The following UNC80 variants were observed in gnomAD, a reference collection of about 807,000 sequenced individuals.
The protein encoded by UNC80 is unc-80 subunit of NALCN channel complex, also known as protein unc-80 homolog.
UNC80 carries 164 observed loss-of-function variants against 384.6 expected under a neutral mutation model. That is an observed-to-expected ratio of 0.43 (90% CI 0.38 to 0.49). The LOEUF (loss-of-function observed/expected upper bound fraction) is 0.49. Ranked by LOEUF, UNC80 falls within the 20% of genes least tolerant of loss-of-function variation. The pLI is 0.00. For synonymous variants in UNC80, 1,486 were observed against 1,527.8 expected (o/e 0.97, Z 0.64); for missense variants, 3,330 against 4,143.0 (o/e 0.80, Z 5.39).
chr2:209,818,025 C>G, intron 11 of UNC80, 73 bp downstream of exon 11: 7 of 1,496,400 alleles, frequency 4.7e-6, no homozygotes, highest in Non-Finnish European at 5.4e-6. Context: ...CACCATGTTA[C>G]TTTCCCATTG....
chr2:209,955,706 T>TAC (rs1332887363), intron 48 of UNC80, among the ~76,000 whole-genome samples: 10 of 75,260 alleles, frequency 1.3e-4, no homozygotes, highest in Non-Finnish European at 2.0e-4. Flanking sequence ...TATATATATA[T>TAC]ATATATATAT....
intron 19 of UNC80, among the ~76,000 whole-genome samples, chr2:209,840,302 G>A (rs2081641087): frequency 6.6e-6 from 1 of 152,176 alleles, no homozygotes; most frequent in Non-Finnish European, 1.5e-5. Context: ...ATGTGAAGCT[G>A]GATAGATGAT....
chr2:209,880,826 G>T, intron 24 of UNC80, 135 bp from the exon 25 acceptor site: 1 of 786,126 alleles, frequency 1.3e-6, no homozygotes, highest in Non-Finnish European at 2.0e-6. Context: ...ATATGTAATT[G>T]GATGTTGGAC....
chr2:209,895,041 TA>T (rs200911334), intron 27 of UNC80, among the ~76,000 whole-genome samples: 2,380 of 152,302 alleles, frequency 0.016, 25 homozygotes, highest in Middle Eastern at 0.024. Context: ...TACAATGTGT[TA>T]AACACCTGAG....
At chr2:209,869,811 A>T (rs2124878207) in intron 22 of UNC80, among the ~76,000 whole-genome samples, 1 of 152,284 alleles carries the variant, frequency 6.6e-6, no homozygotes, top group South Asian at 2.1e-4. Context: ...TTGCATTTCC[A>T]AACTTGGATT....
chr2:209,927,927 C>A (rs1169945619), intron 36 of UNC80, among the ~76,000 whole-genome samples: 1 of 152,018 alleles, frequency 6.6e-6, no homozygotes, highest in East Asian at 1.9e-4. Flanking sequence ...TGATAACATT[C>A]TGTGAATGCT....
intron 35 of UNC80, 64 bp downstream of exon 35, chr2:209,922,447 A>T: frequency 2.0e-6 from 3 of 1,490,744 alleles, no homozygotes; most frequent in Non-Finnish European, 2.7e-6. Flanking sequence ...TTTCCAGTTA[A>T]TATCATGATC....
intron 40 of UNC80, among the ~76,000 whole-genome samples, 155 bp downstream of exon 40, chr2:209,935,963 T>C (rs1305922442): frequency 6.6e-6 from 1 of 152,232 alleles, no homozygotes; most frequent in East Asian, 1.9e-4. Flanking sequence ...TATTTCCTTA[T>C]GCTATTTCCT....
intron 33 of UNC80, among the ~76,000 whole-genome samples, chr2:209,920,036 G>A (rs903130576): frequency 3.9e-5 from 6 of 152,144 alleles, no homozygotes; most frequent in African/African-American, 1.4e-4. Flanking sequence ...GGGCATGGTG[G>A]CAGGCACCTG....
In UNC80 at chr2:209,799,782, G is replaced by T. The variant is rs143242917; in HGVS notation, c.938+5923G>T. ...GTATTGAGAATTTTTAACATGAAGGGATGTTGGGTTTTATCAAAGGTCTTT... is the reference window on the plus strand; with the variant it reads ...GTATTGAGAATTTTTAACATGAAGGTATGTTGGGTTTTATCAAAGGTCTTT... On this transcript the variant is annotated intron_variant, in intron 7 of 64. Transcript: ENST00000673920. Among the ~76,000 whole-genome samples the T allele has an allele frequency of 9.7e-3, 1,478 of 152,284 alleles. 24 individuals are homozygous for T. Among genetic ancestry groups the T allele is most frequent in the African/African-American group, 0.032 (1,340 of 41,558 alleles).
chr2:209,908,633 A>T (rs2088556295), intron 29 of UNC80, among the ~76,000 whole-genome samples: 1 of 152,246 alleles, frequency 6.6e-6, no homozygotes. Flanking sequence ...GCTCAAAAAA[A>T]TAAAGGACAC....
At position 209,996,788 on chromosome 2, in the gene UNC80, T is replaced by C. The variant is rs374274475; in HGVS notation, c.*1193T>C. Reference sequence around the variant, plus strand: ...GGGCTGTGCATCACGTGGTTCACAATTGAATTTCAAAATTTTAACAGTTTA... The same window carrying C: ...GGGCTGTGCATCACGTGGTTCACAACTGAATTTCAAAATTTTAACAGTTTA... On this transcript the variant is annotated 3_prime_UTR_variant, in exon 65 of 65. Transcript: ENST00000673920. 13 of 152,312 alleles carry C rather than the reference T, an allele frequency of 8.5e-5. No individual in the cohort carries two copies. The highest frequency in any genetic ancestry group is 2.4e-4 in the African/African-American group (10 of 41,580). 9.4% of individuals were successfully genotyped at this position (152,312 alleles called of 1,614,324 possible).
rs2076594751 is a variant in UNC80, at chr2:209,771,925, G to T, written c.-148G>T. ...CGCGCGGGGAGGGGTGGGGGGAGGG[G>T]AGAGGCACGGGGGATCAGGGCGGAG... On this transcript the variant is annotated 5_prime_UTR_variant, in exon 1 of 65. An upstream open reading frame in the 5' UTR gains an earlier in-frame stop. Coordinates refer to ENST00000673920, the MANE Select transcript of UNC80 (RefSeq NM_001371986.1). 2 of 644,904 alleles carry T rather than the reference G, an allele frequency of 3.1e-6. No homozygotes were observed. The highest frequency in any genetic ancestry group is 6.4e-5 in the East Asian group (2 of 31,338). 39.9% of individuals were successfully genotyped at this position (644,904 alleles called of 1,614,324 possible).
chr2:209,816,416 A>T (rs978467053), intron 9 of UNC80, among the ~76,000 whole-genome samples: 1 of 152,208 alleles, frequency 6.6e-6, no homozygotes, highest in Non-Finnish European at 1.5e-5. Context: ...GCACATTTAA[A>T]GTTGGCTAAC....
chr2:209,927,228 G>A (rs943166776), intron 36 of UNC80, among the ~76,000 whole-genome samples: 1 of 152,154 alleles, frequency 6.6e-6, no homozygotes, highest in Non-Finnish European at 1.5e-5. Flanking sequence ...CAGGAGCATT[G>A]TTCGTGACCA....
chr2:209,879,122 C>T (rs2085049918), intron 24 of UNC80, among the ~76,000 whole-genome samples: 1 of 151,696 alleles, frequency 6.6e-6, no homozygotes. Flanking sequence ...TAGCCATTGA[C>T]AAAACACCAA....
At position 209,807,382 on chromosome 2, in the gene UNC80, T is replaced by G. The variant is rs1245204837; in HGVS notation, c.939-6198T>G. 3.3e-5 allele frequency among the ~76,000 whole-genome samples: 3 copies of G among 91,940 alleles called. No individual in the cohort carries two copies. The East Asian group carries it at 1.0e-3, about 31-fold the overall frequency. 60.3% of individuals were successfully genotyped at this position (91,940 alleles called of 152,430 possible). On this transcript the variant is annotated intron_variant, in intron 7 of 64. Coordinates refer to ENST00000673920, the MANE Select transcript of UNC80 (RefSeq NM_001371986.1). ...TCATGTCATTTTTTTTTTTTTTTTTTGAGACGGAGTCTTGCTGTGTCGCCC... is the reference window on the plus strand; with the variant it reads ...TCATGTCATTTTTTTTTTTTTTTTTGGAGACGGAGTCTTGCTGTGTCGCCC...
Position 209,976,039 on chromosome 2 carries a change from C to A in UNC80, c.8588-80C>A. ...GAAATTTAGAAAATTTCTAAAGGTGCATAAAGGGCTCTGGATGTAGGTTGG... is the reference window on the plus strand; with the variant it reads ...GAAATTTAGAAAATTTCTAAAGGTGAATAAAGGGCTCTGGATGTAGGTTGG... On this transcript the variant is annotated intron_variant, in intron 56 of 64. Transcript: ENST00000673920. The surrounding 1 kb of genome is among the most constrained non-coding windows in gnomAD (Gnocchi z 4.3). 1 of 1,405,090 alleles carries A rather than the reference C, an allele frequency of 7.1e-7. No individual in the cohort carries two copies. The highest frequency in any genetic ancestry group is 1.5e-5 in the South Asian group (1 of 68,000). The allele number at this position is 1,405,090 out of a possible 1,614,324, so 87.0% of individuals were successfully genotyped here. A position where few individuals can be genotyped will look rare whatever the true frequency, so the allele number is the denominator to read the frequency against.
At chr2:209,849,675 A>T (rs1218991730) in intron 22 of UNC80, 52 bp downstream of exon 22, 2 of 1,518,364 alleles carry the variant, frequency 1.3e-6, no homozygotes, top group Non-Finnish European at 8.9e-7. Context: ...AAGTAGCACT[A>T]TTAACAGAGG....
Sources: allele counts gnomAD v4.1 joint callset (sites outside exome capture counted in the v4.1 genomes callset), GRCh38; gene constraint gnomAD v4.1.1; non-coding constraint Gnocchi (gnomAD v3.1); transcripts MANE v1.5; gene names NCBI Gene and HGNC (gene_info 2026-07-23, HGNC 2026-07-21).